The following UST variants were observed in gnomAD, a reference collection of about 807,000 sequenced individuals.
UST encodes chondroitin sulfate 2-O-sulfotransferase.
A neutral mutation model predicts 45.6 loss-of-function variants in UST; 21 were observed. That is an observed-to-expected ratio of 0.46 (90% CI 0.33 to 0.66). The LOEUF is 0.66. Among genes scored for constraint, UST ranks in the 30% least tolerant of loss-of-function variants. The probability of loss-of-function intolerance (pLI) is 0.02; values close to 1 mark genes in which losing one functional copy is unlikely to be tolerated. For missense variants in UST, 463 were observed against 512.4 expected (o/e 0.90, Z 0.93); for synonymous variants, 215 against 200.6 (o/e 1.07, Z -0.61).
chr6:149,013,540 A>AG (rs1775850383), intron 5 of UST, among the ~76,000 whole-genome samples: 1 of 151,272 alleles, frequency 6.6e-6, no homozygotes, highest in Non-Finnish European at 1.5e-5. Context: ...AAAAAAAGAG[A>AG]AAAAAAAAGT....
chr6:149,041,347 G>A (rs1488493003), intron 7 of UST, among the ~76,000 whole-genome samples: 7 of 152,214 alleles, frequency 4.6e-5, no homozygotes, highest in African/African-American at 1.2e-4. Flanking sequence ...GCGAGCTATC[G>A]CTGCAACATC....
At chr6:148,961,024 A>T (rs1389252044) in intron 4 of UST, among the ~76,000 whole-genome samples, 4 of 152,166 alleles carry the variant, frequency 2.6e-5, no homozygotes, top group African/African-American at 9.7e-5. Context: ...AAATGCTCAG[A>T]ATGAGGTGTT....
rs58411177 is a variant in UST, at chr6:148,953,632, G to A, written c.448-240G>A. On this transcript the variant is annotated intron_variant, in intron 3 of 7. Transcript: ENST00000367463. The stretch of plus-strand genomic sequence containing the variant: ...AAAAAATACAAAAAATTAGCCGGGC[G>A]TGGTGGCGGGCGCCTGTAGTCCCAG... Among the ~76,000 whole-genome samples, 662 of 152,118 alleles carry A rather than the reference G, an allele frequency of 4.4e-3. 18 individuals are homozygous for A. In the East Asian group the frequency reaches 0.081, roughly 19 times the overall value.
At chr6:149,060,881 A>G (rs976172623) in intron 7 of UST, among the ~76,000 whole-genome samples, 4 of 152,108 alleles carry the variant, frequency 2.6e-5, no homozygotes, top group African/African-American at 9.7e-5. Flanking sequence ...TCTTTTGTCC[A>G]TGCTTATTTT....
intron 3 of UST, 52 bp downstream of exon 3, chr6:148,941,486 G>T (rs752841436): frequency 6.5e-7 from 1 of 1,537,028 alleles, no homozygotes; most frequent in Non-Finnish European, 8.7e-7. Context: ...GCTCATTTGT[G>T]TAACTAGTGG....
At chr6:149,005,165 G>A (rs749827055) in intron 5 of UST, 32 of 304,364 alleles carry the variant, frequency 1.1e-4, no homozygotes, top group Admixed American at 3.2e-4. Context: ...AAACCCAGGC[G>A]AAGCAGAGCT....
intron 7 of UST, among the ~76,000 whole-genome samples, chr6:149,029,350 A>G (rs1776100850): frequency 6.8e-6 from 1 of 147,180 alleles, no homozygotes; most frequent in South Asian, 2.1e-4. Flanking sequence ...GTTATATATT[A>G]TATATAAATT....
chr6:148,788,603 A>G (rs1282313359), intron 1 of UST, among the ~76,000 whole-genome samples: 3 of 152,146 alleles, frequency 2.0e-5, no homozygotes, highest in African/African-American at 4.8e-5. Flanking sequence ...GACACATCCA[A>G]TCTGCGTGGC....
intron 5 of UST, among the ~76,000 whole-genome samples, chr6:148,987,427 G>T (rs569218995): frequency 3.9e-5 from 6 of 152,120 alleles, no homozygotes; most frequent in Non-Finnish European, 8.8e-5. Flanking sequence ...GCCCTACATG[G>T]CCCTGAGACT....
intron 7 of UST, among the ~76,000 whole-genome samples, chr6:149,033,687 G>A (rs900822998): frequency 2.0e-5 from 3 of 152,080 alleles, no homozygotes; most frequent in Admixed American, 6.6e-5. Flanking sequence ...GTCTCACCCC[G>A]CCCCTCGTCT....
At chr6:148,954,751 C>T (rs971103143) in intron 4 of UST, among the ~76,000 whole-genome samples, 6 of 152,194 alleles carry the variant, frequency 3.9e-5, no homozygotes, top group Non-Finnish European at 7.3e-5. Flanking sequence ...CTAAGCCTCA[C>T]GTGTTTGATG....
chr6:149,021,610 G>A, intron 7 of UST, 129 bp downstream of exon 7: 1 of 1,117,956 alleles, frequency 8.9e-7, no homozygotes, highest in Non-Finnish European at 1.2e-6. Context: ...TTAGTTCCCT[G>A]GGCTTGCAAA....
intron 1 of UST, among the ~76,000 whole-genome samples, chr6:148,784,788 T>G (rs1226353855): frequency 6.6e-6 from 1 of 152,220 alleles, no homozygotes; most frequent in Non-Finnish European, 1.5e-5. Context: ...AATAGACTGG[T>G]AAAAGCAAGT....
chr6:148,909,508 C>T (rs985424138), intron 2 of UST, among the ~76,000 whole-genome samples: 11 of 152,240 alleles, frequency 7.2e-5, no homozygotes, highest in African/African-American at 2.4e-4. Context: ...AAAGACTCTA[C>T]TTGTATTCCA....
Position 148,939,439 on chromosome 6 carries a change from T to G in UST, c.292-1840T>G, listed in dbSNP as rs150183484. 6.6e-5 allele frequency among the ~76,000 whole-genome samples: 10 copies of G among 152,308 alleles called. No individual in the cohort carries two copies. In the East Asian group the frequency reaches 1.2e-3, roughly 18 times the overall value. ...AAAGTTGGAGGGACTTACCCTTCCC[T>G]TCCCAATTTAAAAACTTAGAACAAA... On this transcript the variant is annotated intron_variant, in intron 2 of 7. Transcript: ENST00000367463.
At chr6:148,872,467 C>T (rs1778576672) in intron 1 of UST, among the ~76,000 whole-genome samples, 2 of 152,164 alleles carry the variant, frequency 1.3e-5, no homozygotes. Flanking sequence ...CTTCGGATTT[C>T]CAACTTGAAA....
intron 5 of UST, among the ~76,000 whole-genome samples, chr6:148,996,049 G>A (rs1252318860): frequency 2.6e-5 from 4 of 152,204 alleles, no homozygotes; most frequent in Non-Finnish European, 4.4e-5. Flanking sequence ...CCCAGTAAGA[G>A]CAGCGTTGAA....
In UST at chr6:148,747,616, C is replaced by T. The variant is rs1439383773; in HGVS notation, c.186C>T (p.Ser62=). ...MATLLVFCLG[S]LLYQLSGGPP... ...CCCTGCTGGTCTTCTGCCTGGGCTC[C>T]CTCCTCTATCAGCTCAGCGGGGGAC... is the stretch of plus-strand genomic sequence containing the variant. Residue 62 remains serine, a synonymous_variant, in exon 1 of 8, where the codon TCC becomes TCT. Transcript: ENST00000367463. 1 of 1,603,156 alleles carries T rather than the reference C, an allele frequency of 6.2e-7. No individual in the cohort carries two copies. Among genetic ancestry groups the T allele is most frequent in the Non-Finnish European group, 8.5e-7 (1 of 1,176,166 alleles).
chr6:148,928,157 G>A (rs937714353), intron 2 of UST, among the ~76,000 whole-genome samples: 1 of 152,066 alleles, frequency 6.6e-6, no homozygotes, highest in Admixed American at 6.5e-5. Flanking sequence ...ATTGCCCTAG[G>A]GCAACTACAG....
Sources: allele counts gnomAD v4.1 joint callset (sites outside exome capture counted in the v4.1 genomes callset), GRCh38; gene constraint gnomAD v4.1.1; transcripts MANE v1.5; gene names NCBI Gene and HGNC (gene_info 2026-07-23, HGNC 2026-07-21).